The following RBM25 variants were observed in gnomAD, a reference collection of about 807,000 sequenced individuals.
RBM25 encodes the protein RNA-binding protein 25.
In RBM25, 19 loss-of-function variants were observed where a neutral mutation model predicts 120.7. The ratio of observed to expected loss-of-function variants is 0.16; its 90% confidence interval spans 0.11 to 0.23. The LOEUF (loss-of-function observed/expected upper bound fraction) is 0.23, where lower values mean the gene tolerates loss of function less well. RBM25 is among the 10% of genes least tolerant of loss of function. RBM25 has a pLI of 1.00. For synonymous variants in RBM25, 390 were observed against 326.7 expected (o/e 1.19, Z -2.09); for missense variants, 605 against 1,041.5 (o/e 0.58, Z 5.77).
chr14:73,099,344 T>C (rs1289688884), intron 7 of RBM25, 36 bp from the exon 8 acceptor site: 1 of 1,584,912 alleles, frequency 6.3e-7, no homozygotes, highest in South Asian at 1.2e-5. Flanking sequence ...TCTGTTTTTC[T>C]TTTTTAAAAA....
intron 13 of RBM25, among the ~76,000 whole-genome samples, chr14:73,108,394 T>A (rs1010733226): frequency 6.6e-6 from 1 of 152,212 alleles, no homozygotes; most frequent in African/African-American, 2.4e-5. Context: ...TCTCTGTAAC[T>A]ATCTGGGTTT....
intron 5 of RBM25, among the ~76,000 whole-genome samples, chr14:73,084,191 C>T (rs781587586): frequency 6.6e-6 from 1 of 152,156 alleles, no homozygotes; most frequent in Non-Finnish European, 1.5e-5. Flanking sequence ...AGCCACCACA[C>T]CTGACCTCAA....
intron 7 of RBM25, 91 bp downstream of exon 7, chr14:73,097,191 C>CTTTTTTTTTATTTT: frequency 2.7e-6 from 1 of 374,074 alleles, no homozygotes; most frequent in Non-Finnish European, 3.8e-6. Context: ...TTTCTTTTTT[C>CTTTTTTTTTATTTT]TTTTCTTTTT....
rs1373125816 is a variant in RBM25 at position 73,121,606 on chromosome 14, C to T, written c.*1801C>T. The T allele has an allele frequency of 6.6e-6, 1 of 152,230 alleles. No homozygotes were observed. The highest frequency in any genetic ancestry group is 2.4e-5 in the African/African-American group (1 of 41,456). The allele number at this position is 152,230 out of a possible 1,614,324, so 9.4% of individuals were successfully genotyped here. A position where few individuals can be genotyped will look rare whatever the true frequency, so the allele number is the denominator to read the frequency against. ...TTCAGTCTTTTCTTAGACACACCCCCAGCCTAAGACCTTGTTCGAGGAGTT... is the reference window on the plus strand; with the variant it reads ...TTCAGTCTTTTCTTAGACACACCCCTAGCCTAAGACCTTGTTCGAGGAGTT... On this transcript the variant is annotated 3_prime_UTR_variant, in exon 19 of 19. Transcript: ENST00000261973.
chr14:73,066,503 C>G (rs1210934734), intron 1 of RBM25, among the ~76,000 whole-genome samples: 1 of 151,846 alleles, frequency 6.6e-6, no homozygotes, highest in African/African-American at 2.4e-5. Context: ...TGAGCTTGGT[C>G]GTGCGTGCCT....
chr14:73,081,722 T>A (rs1185809890), intron 4 of RBM25, among the ~76,000 whole-genome samples: 1 of 152,238 alleles, frequency 6.6e-6, no homozygotes, highest in Non-Finnish European at 1.5e-5. Flanking sequence ...TTTACCGGGA[T>A]ATAGAATTCG....
chr14:73,098,766 C>T (rs1177771948), intron 7 of RBM25, among the ~76,000 whole-genome samples: 2 of 152,124 alleles, frequency 1.3e-5, no homozygotes, highest in East Asian at 1.9e-4. Flanking sequence ...GCCTCAGCCT[C>T]CTGAGTAGCT....
Position 73,120,677 on chromosome 14 carries a change from TA to T in RBM25, c.*874del, listed in dbSNP as rs1280850210. Reference sequence around the variant, plus strand: ...AGCTGTATTTAATGCATTTTTGCACTAATTGGTCCTTAGTTTAATTCTATTG... The same window carrying T: ...AGCTGTATTTAATGCATTTTTGCACTATTGGTCCTTAGTTTAATTCTATTG... On this transcript the variant is annotated 3_prime_UTR_variant, in exon 19 of 19. Coordinates refer to ENST00000261973, the MANE Select transcript of RBM25 (RefSeq NM_021239.3). 2 of 152,224 alleles carry T rather than the reference TA, an allele frequency of 1.3e-5. No homozygotes were observed. Among genetic ancestry groups the T allele is most frequent in the Non-Finnish European group, 1.5e-5 (1 of 68,024 alleles). The allele number at this position is 152,224 out of a possible 1,614,324, so 9.4% of individuals were successfully genotyped here.
At chr14:73,073,423 C>G (rs1895340184) in intron 2 of RBM25, among the ~76,000 whole-genome samples, 1 of 152,290 alleles carries the variant, frequency 6.6e-6, no homozygotes, top group African/African-American at 2.4e-5. Context: ...CACAGTGGCT[C>G]ACGCCTGTAA....
At chr14:73,066,842 T>C (rs1170094895) in intron 1 of RBM25, among the ~76,000 whole-genome samples, 1 of 152,100 alleles carries the variant, frequency 6.6e-6, no homozygotes, top group Non-Finnish European at 1.5e-5. Flanking sequence ...TAAAGAAATG[T>C]CTAGTAAACA....
chr14:73,064,544 A>G (rs1046917483), intron 1 of RBM25, among the ~76,000 whole-genome samples: 1 of 150,910 alleles, frequency 6.6e-6, no homozygotes, highest in Non-Finnish European at 1.5e-5. Context: ...ACGGGCGCCT[A>G]CCACCATTCC....
At chr14:73,103,942 TCTCTCTCACACACACACACACACACA>T (rs1896116997) in intron 10 of RBM25, among the ~76,000 whole-genome samples, 1 of 43,574 alleles carries the variant, frequency 2.3e-5, no homozygotes, top group Admixed American at 2.2e-4. Context: ...TCTCTCTCTC[TCTCTCTCACACACACACACACACACA>T]CACACACACA....
At chr14:73,097,191 CTTTTCTTTTTTT>C in intron 7 of RBM25, 91 bp downstream of exon 7, 3 of 374,074 alleles carry the variant, frequency 8.0e-6, no homozygotes, top group Non-Finnish European at 7.7e-6. Flanking sequence ...TTTCTTTTTT[CTTTTCTTTTTTT>C]TTTTTTTTTT....
intron 17 of RBM25, among the ~76,000 whole-genome samples, chr14:73,114,022 C>T (rs985766363): frequency 2.0e-5 from 3 of 152,204 alleles, no homozygotes; most frequent in African/African-American, 4.8e-5. Context: ...ACTCTGTCTT[C>T]TCTAACTTGT....
Position 73,099,367 on chromosome 14 carries a change from G to T in RBM25, c.730-13G>T, listed in dbSNP as rs1896015937. The T allele has an allele frequency of 1.9e-6, 3 of 1,595,082 alleles. No individual in the cohort carries two copies. The highest frequency in any genetic ancestry group is 2.6e-6 in the Non-Finnish European group (3 of 1,175,672). On this transcript the variant is annotated splice_polypyrimidine_tract_variant and intron_variant, in intron 7 of 18. Coordinates refer to ENST00000261973, the MANE Select transcript of RBM25 (RefSeq NM_021239.3). ...TCTTTTTTAAAAAAGATTCTTGGTG[G>T]ATTTTTTCACAGATTTTCCGCAGAT...
At chr14:73,089,259 A>G (rs1379680309) in intron 6 of RBM25, among the ~76,000 whole-genome samples, 4 of 152,216 alleles carry the variant, frequency 2.6e-5, no homozygotes, top group Admixed American at 1.3e-4. Flanking sequence ...TAAATAATCA[A>G]TTAAATACCA....
chr14:73,092,386 A>T (rs1011886822), intron 6 of RBM25, among the ~76,000 whole-genome samples: 1 of 152,048 alleles, frequency 6.6e-6, no homozygotes, highest in African/African-American at 2.4e-5. Flanking sequence ...AGAAATTTAG[A>T]AAGCTGTTAA....
At chr14:73,110,423 T>TTTTTC (rs1896286941) in intron 14 of RBM25, among the ~76,000 whole-genome samples, 1 of 151,652 alleles carries the variant, frequency 6.6e-6, no homozygotes, top group East Asian at 1.9e-4. Context: ...ATGTCCTTTT[T>TTTTTC]TTTTTCTTTT....
chr14:73,061,456 T>C (rs567401234), intron 1 of RBM25, among the ~76,000 whole-genome samples: 1 of 151,624 alleles, frequency 6.6e-6, no homozygotes, highest in Non-Finnish European at 1.5e-5. Context: ...TACAAAGTTA[T>C]GCATCCATTA....
Sources: gnomAD v4.1 joint callset for allele counts (sites outside exome capture counted in the v4.1 genomes callset) on GRCh38, gnomAD v4.1.1 for gene constraint, MANE v1.5 for transcripts, NCBI Gene and HGNC (gene_info 2026-07-23, HGNC 2026-07-21) for gene names.